BCAR3: variants seen among roughly 807,000 people sequenced by gnomAD.
BCAR3 encodes BCAR3 adaptor protein, NSP family member.
In BCAR3, 37 loss-of-function variants were observed where a neutral mutation model predicts 80.1. The ratio of observed to expected loss-of-function variants is 0.46; its 90% CI spans 0.36 to 0.61. BCAR3 has a LOEUF of 0.61. Among genes scored for constraint, BCAR3 ranks in the 20% least tolerant of loss-of-function variants. The pLI is 0.00. For missense variants in BCAR3, 978 were observed against 1,068.2 expected (o/e 0.92, Z 1.18); for synonymous variants, 389 against 418.9 (o/e 0.93, Z 0.87).
At chr1:93,618,781 G>A (rs544365563) in intron 3 of BCAR3, among the ~76,000 whole-genome samples, 23 of 152,300 alleles carry the variant, frequency 1.5e-4, no homozygotes, top group African/African-American at 5.3e-4. Flanking sequence ...GGCCTTCTCT[G>A]AGATTCTATG....
chr1:93,726,854 T>C (rs1223872797), intron 2 of BCAR3, among the ~76,000 whole-genome samples: 4 of 152,216 alleles, frequency 2.6e-5, no homozygotes, highest in Non-Finnish European at 5.9e-5. Flanking sequence ...TTTTTGTATA[T>C]TGATTTTGTA....
intron 3 of BCAR3, among the ~76,000 whole-genome samples, chr1:93,611,899 G>A (rs1674961975): frequency 6.6e-6 from 1 of 152,202 alleles, no homozygotes; most frequent in African/African-American, 2.4e-5. Flanking sequence ...TTTTTGGTAT[G>A]AGAAATTCAT....
intron 2 of BCAR3, among the ~76,000 whole-genome samples, chr1:93,733,100 C>T (rs1033946204): frequency 6.6e-6 from 1 of 152,158 alleles, no homozygotes; most frequent in Non-Finnish European, 1.5e-5. Flanking sequence ...GACTATGGAT[C>T]CTTGCTAGAC....
At chr1:93,621,451 C>T (rs987087446) in intron 3 of BCAR3, among the ~76,000 whole-genome samples, 1 of 152,118 alleles carries the variant, frequency 6.6e-6, no homozygotes, top group African/African-American at 2.4e-5. Context: ...TCCTTCTGAT[C>T]CAGAAAGACT....
At position 93,582,465 on chromosome 1, in the gene BCAR3, G is replaced by A; in HGVS notation, c.1522C>T (p.Leu508Phe). ...CTGAAGGAGGAGACAGTCTCCAGGA[G>A]GGGCGTCACAAACTCGCCCTTGTCC... Reference protein sequence around the residue: ...QWDKGEFVTPLLETVSSFRPN... With the variant: ...QWDKGEFVTPFLETVSSFRPN... The change falls in exon 7 of 12, where the codon CTC becomes TTC. Residue 508 changes from leucine (L) to phenylalanine (F), a missense_variant. Physicochemically the swap from Leu to Phe is conservative, Grantham distance 22. Transcript: ENST00000260502. 6.2e-7 allele frequency: 1 copy of A among 1,614,188 alleles called. No homozygotes were observed. The highest frequency in any genetic ancestry group is 8.5e-7 in the Non-Finnish European group (1 of 1,180,024).
intron 2 of BCAR3, among the ~76,000 whole-genome samples, chr1:93,666,828 TC>T (rs1476664781): frequency 1.3e-5 from 2 of 152,112 alleles, no homozygotes; most frequent in Non-Finnish European, 2.9e-5. Context: ...TAGGGCAGGC[TC>T]AGATAGAGGG....
intron 2 of BCAR3, among the ~76,000 whole-genome samples, chr1:93,713,649 C>G (rs184981169): frequency 6.6e-6 from 1 of 152,128 alleles, no homozygotes; most frequent in African/African-American, 2.4e-5. Flanking sequence ...TAGAGCTTCC[C>G]CCTTCAAGAT....
Position 93,611,220 on chromosome 1 carries a change from T to C in BCAR3, c.358-18827A>G, listed in dbSNP as rs56967902. Among the ~76,000 whole-genome samples the C allele has an allele frequency of 4.2e-3, 636 of 152,296 alleles. 3 individuals carry two copies. Among genetic ancestry groups the C allele is most frequent in the Middle Eastern group, 0.014 (4 of 294 alleles). The stretch of plus-strand genomic sequence containing the variant: ...GTAATGAAGTGATATTATGACCTAA[T>C]AATATCCTTGTGGTAAGTCTTTGAA... On this transcript the variant is annotated intron_variant, in intron 3 of 11. Transcript: ENST00000260502.
rs184374000 is a variant in BCAR3 at position 93,840,505 on chromosome 1, C to T, written c.-63+5062G>A. Among the ~76,000 whole-genome samples, 6 of 152,278 alleles carry T rather than the reference C, an allele frequency of 3.9e-5. No individual in the cohort carries two copies. In the East Asian group the frequency reaches 5.8e-4, roughly 15 times the overall value. On this transcript the variant is annotated intron_variant, in intron 2 of 13. Transcript: ENST00000370244. The stretch of plus-strand genomic sequence containing the variant: ...AGATGGTTATTTGTTGTGAGGCCCA[C>T]GAGTGGGGCTCAGAATGCCTTTCCT...
intron 2 of BCAR3, chr1:93,754,076 T>C: frequency 6.6e-6 from 1 of 152,240 alleles, no homozygotes; most frequent in East Asian, 1.9e-4. Flanking sequence ...AAAATGCTTA[T>C]TGAACTTAAA....
intron 2 of BCAR3, among the ~76,000 whole-genome samples, chr1:93,763,775 T>C (rs778673500): frequency 1.3e-5 from 2 of 152,192 alleles, no homozygotes; most frequent in Non-Finnish European, 2.9e-5. Flanking sequence ...TTCTGGAACA[T>C]AAAGGCCTGA....
intron 3 of BCAR3, among the ~76,000 whole-genome samples, chr1:93,610,745 A>G (rs1468564471): frequency 6.6e-6 from 1 of 152,164 alleles, no homozygotes; most frequent in African/African-American, 2.4e-5. Context: ...CATGAGTTCA[A>G]GATCAGCACG....
chr1:93,721,040 A>G (rs1293528068), intron 2 of BCAR3, among the ~76,000 whole-genome samples: 1 of 152,150 alleles, frequency 6.6e-6, no homozygotes, highest in Non-Finnish European at 1.5e-5. Context: ...CCCTGGGAGC[A>G]CCGCTGGAAT....
intron 2 of BCAR3, among the ~76,000 whole-genome samples, chr1:93,751,324 C>T (rs576165755): frequency 6.6e-6 from 1 of 152,252 alleles, no homozygotes; most frequent in Non-Finnish European, 1.5e-5. Flanking sequence ...TGGACTTCCA[C>T]TCTGACGGCC....
intron 2 of BCAR3, among the ~76,000 whole-genome samples, chr1:93,709,653 G>A (rs1326535317): frequency 6.6e-6 from 1 of 152,212 alleles, no homozygotes; most frequent in Non-Finnish European, 1.5e-5. Context: ...GCAAGAAGGA[G>A]GGAGGGGAAT....
At chr1:93,646,751 G>T (rs1772780) in intron 2 of BCAR3, among the ~76,000 whole-genome samples, 1,965 of 152,180 alleles carry the variant, frequency 0.013, 41 homozygotes, top group African/African-American at 0.044. Context: ...AATATTGTTG[G>T]CTTAATGAAA....
chr1:93,784,942 A>G (rs192295117), intron 2 of BCAR3, among the ~76,000 whole-genome samples: 174 of 152,272 alleles, frequency 1.1e-3, no homozygotes, highest in African/African-American at 3.9e-3. Flanking sequence ...TAAGGATCCA[A>G]TGTTGGTCAG....
chr1:93,844,703 C>CTTTTT (rs11363783), intron 2 of BCAR3, among the ~76,000 whole-genome samples: 5 of 140,474 alleles, frequency 3.6e-5, no homozygotes, highest in Non-Finnish European at 1.6e-5. Context: ...TGACTTTCTT[C>CTTTTT]TTTTTTTTTT....
At chr1:93,682,209 C>T (rs1433692278), upstream of BCAR3, among the ~76,000 whole-genome samples, 1 of 152,156 alleles carries the variant, frequency 6.6e-6, no homozygotes, top group Non-Finnish European at 1.5e-5. Flanking sequence ...CACAAATGAA[C>T]CATCCACGGG....
Sources: allele counts gnomAD v4.1 joint callset (sites outside exome capture counted in the v4.1 genomes callset), GRCh38; gene constraint gnomAD v4.1.1; transcripts MANE v1.5; gene names NCBI Gene and HGNC (gene_info 2026-07-23, HGNC 2026-07-21).